CCDC59: variants seen among roughly 807,000 people sequenced by gnomAD.
CCDC59 encodes the protein coiled-coil domain containing 59, also known as thyroid transcription factor 1-associated protein 26.
A neutral mutation model predicts 30.5 loss-of-function variants in CCDC59; 27 were observed. The observed-to-expected ratio is 0.89, with a 90% CI of 0.65 to 1.22. The LOEUF is 1.22. Ranked by LOEUF, CCDC59 falls within the 50% of genes most tolerant of loss-of-function variation. CCDC59 has a pLI of 0.00. For missense variants in CCDC59, 362 were observed against 284.4 expected (o/e 1.27, Z -1.96); for synonymous variants, 125 against 100.9 (o/e 1.24, Z -1.43).
intron 2 of CCDC59, 106 bp downstream of exon 2, chr12:82,356,853 TA>T: frequency 1.1e-6 from 1 of 909,214 alleles, no homozygotes; most frequent in Non-Finnish European, 1.6e-6. Context: ...CCGTGACTTC[TA>T]AAATGTGTTA....
chr12:82,358,426 A>C (rs777574444), upstream of CCDC59: 4 of 1,608,424 alleles, frequency 2.5e-6, no homozygotes, highest in Non-Finnish European at 3.4e-6. Flanking sequence ...CGCCCACAAA[A>C]TACGTCACCA....
intron 2 of CCDC59, chr12:82,354,976 T>C (rs762335824): frequency 2.5e-5 from 4 of 160,988 alleles, no homozygotes; most frequent in Non-Finnish European, 4.0e-5. Flanking sequence ...CTAGATACCA[T>C]TTTGAACTGT....
chr12:82,353,317 AATT>A lies in CCDC59; in HGVS notation c.565-8_565-6del. On this transcript the variant is annotated splice_polypyrimidine_tract_variant and splice_region_variant and intron_variant, in intron 3 of 3. Coordinates refer to ENST00000256151, the MANE Select transcript of CCDC59 (RefSeq NM_014167.5). ...CTGTTTTCTCCTCTCGAATTCCTAA[AATT>A]ATTAACATATGTAACTTTCATTAGC... The A allele has an allele frequency of 1.3e-6, 2 of 1,590,516 alleles. No homozygotes were observed. Among genetic ancestry groups the A allele is most frequent in the Non-Finnish European group, 1.7e-6 (2 of 1,171,758 alleles).
rs113088801 is a variant in CCDC59 at position 82,353,392 on chromosome 12, C to T, written c.565-80G>A. 3.1e-4 allele frequency: 342 copies of T among 1,107,714 alleles called. No individual in the cohort carries two copies. In the African/African-American group the frequency reaches 5.1e-3, roughly 17 times the overall value. The allele number at this position is 1,107,714 out of a possible 1,614,324, so 68.6% of individuals were successfully genotyped here. ...AGAAATTGTCTTGAAATAGCTATTA[C>T]TAAGCAAACACTCTAAGGTTTGTCT... On this transcript the variant is annotated intron_variant, in intron 3 of 3. Transcript: ENST00000256151.
Position 82,354,486 on chromosome 12 carries a change from A to G in CCDC59, c.564+9T>C. ...AAACTATACTAAATATTTTCAAAGT[A>G]GAACTTACTTGTTTCTTAGCAGCAC... On this transcript the variant is annotated intron_variant, in intron 3 of 3. Coordinates refer to ENST00000256151, the MANE Select transcript of CCDC59 (RefSeq NM_014167.5). 6.3e-7 allele frequency: 1 copy of G among 1,575,010 alleles called. No individual in the cohort carries two copies. Among genetic ancestry groups the G allele is most frequent in the Non-Finnish European group, 8.6e-7 (1 of 1,159,654 alleles).
chr12:82,358,445 C>T, upstream of CCDC59: 1 of 1,605,504 alleles, frequency 6.2e-7, no homozygotes, highest in Non-Finnish European at 8.5e-7. Context: ...CAAGCCGAAG[C>T]AATCAATCGC....
In CCDC59 at chr12:82,358,328, C is replaced by T; in HGVS notation, c.49G>A (p.Ala17Thr). The part of the protein sequence containing the change: ...SAKWRPGGIE[A>T]RGEGVSTVGY... The stretch of plus-strand genomic sequence containing the variant: ...ACAGTGGAAACCCCTTCACCACGCG[C>T]CTCAATACCACCAGGCCGCCACTTC... The change falls in exon 1 of 4, where the codon GCG becomes ACG. Residue 17 changes from alanine to threonine, a missense_variant. By Grantham distance (58) the Ala-to-Thr change is moderately conservative. Transcript: ENST00000256151. 1.2e-6 allele frequency: 2 copies of T among 1,614,120 alleles called. No individual in the cohort carries two copies. The highest frequency in any genetic ancestry group is 1.7e-6 in the Non-Finnish European group (2 of 1,180,036).
Position 82,353,198 on chromosome 12 carries a change from T to C in CCDC59, c.679A>G (p.Asn227Asp). 2.5e-6 allele frequency: 4 copies of C among 1,610,492 alleles called. No individual in the cohort carries two copies. The highest frequency in any genetic ancestry group is 1.9e-4 in the Middle Eastern group (1 of 5,318). The stretch of plus-strand genomic sequence containing the variant: ...TGAAGAAGGTACTCCATTTGTACAT[T>C]CAAGTTTGGTTGGCCCTTTTTAGTC... ...KKTKKGQPNL[N>D]VQMEYLLQKI... The change falls in exon 4 of 4, where the codon AAT becomes GAT. Residue 227 changes from asparagine to aspartate, a missense_variant. Asn to Asp is a conservative substitution (Grantham distance 23). Transcript: ENST00000256151.
chr12:82,358,385 A>C lies in CCDC59; in HGVS notation c.-9T>G. ...CGCCTCACCGGCGCCATTGCAGCCG[A>C]CTAACTGCGTCATCAGAAGACCACG... On this transcript the variant is annotated 5_prime_UTR_variant, in exon 1 of 4. Coordinates refer to ENST00000256151, the MANE Select transcript of CCDC59 (RefSeq NM_014167.5). The C allele has an allele frequency of 1.2e-6, 2 of 1,612,804 alleles. No individual in the cohort carries two copies. The highest frequency in any genetic ancestry group is 1.7e-6 in the Non-Finnish European group (2 of 1,180,030).
chr12:82,358,524 C>A (rs201085808), upstream of CCDC59: 1 of 1,599,914 alleles, frequency 6.3e-7, no homozygotes, highest in South Asian at 1.1e-5. Flanking sequence ...TGGCGCCTCA[C>A]GGCCATGTTT....
chr12:82,358,116 A>G (rs1415077118), intron 1 of CCDC59, 107 bp downstream of exon 1: 12 of 1,299,196 alleles, frequency 9.2e-6, no homozygotes, highest in Middle Eastern at 4.9e-4. Flanking sequence ...CCTTGCCCCA[A>G]GTAGGACCGG....
intron 2 of CCDC59, 159 bp downstream of exon 2, chr12:82,356,801 A>G (rs1446765590): frequency 3.5e-6 from 2 of 570,934 alleles, no homozygotes; most frequent in African/African-American, 3.7e-5. Flanking sequence ...CAGTTATTGA[A>G]GCTAAAAATA....
chr12:82,354,072 T>C (rs1031050080), intron 3 of CCDC59, among the ~76,000 whole-genome samples: 8 of 152,196 alleles, frequency 5.3e-5, no homozygotes, highest in Non-Finnish European at 8.8e-5. Flanking sequence ...AAAAGTATTT[T>C]ATTCTAACAC....
rs747700830 is a variant in CCDC59 at position 82,357,059 on chromosome 12, G to T, written c.365C>A (p.Pro122Gln). The change falls in exon 2 of 4, where the codon CCG (proline) becomes CAG (glutamine). Residue 122 changes from proline (P) to glutamine (Q), a missense_variant. Pro to Gln is a moderately conservative substitution (Grantham distance 76). Coordinates refer to ENST00000256151, the MANE Select transcript of CCDC59 (RefSeq NM_014167.5). The stretch of plus-strand genomic sequence containing the variant: ...AATGCTACACTGTTCTTCAAGCAAC[G>T]GCTGGTGAACTTGTTCTGACAAAGG... ...DHPLSEQVHQPLLEEQCSIDE... is the reference protein window; with the variant it reads ...DHPLSEQVHQQLLEEQCSIDE... The T allele has an allele frequency of 6.2e-7, 1 of 1,614,132 alleles. No homozygotes were observed. The highest frequency in any genetic ancestry group is 1.1e-5 in the South Asian group (1 of 91,072).
intron 3 of CCDC59, among the ~76,000 whole-genome samples, chr12:82,353,826 CATT>C (rs1271772370): frequency 6.6e-6 from 1 of 152,026 alleles, no homozygotes; most frequent in African/African-American, 2.4e-5. Flanking sequence ...TTAACTGACA[CATT>C]ATACTTTTTA....
At chr12:82,358,463 G>C, upstream of CCDC59, 1 of 1,601,666 alleles carries the variant, frequency 6.2e-7, no homozygotes, top group Admixed American at 1.7e-5. Context: ...CGCTCAGAAG[G>C]AATCCGGCTC....
At chr12:82,357,996 G>A (rs1881177768) in intron 1 of CCDC59, among the ~76,000 whole-genome samples, 2 of 152,290 alleles carry the variant, frequency 1.3e-5, no homozygotes, top group South Asian at 2.1e-4. Context: ...AAGTTCTGAT[G>A]AAATACAGGG....
At position 82,352,999 on chromosome 12, in the gene CCDC59, T is replaced by C. The variant is rs983668951; in HGVS notation, c.*152A>G. On this transcript the variant is annotated 3_prime_UTR_variant, in exon 4 of 4. Coordinates refer to ENST00000256151, the MANE Select transcript of CCDC59 (RefSeq NM_014167.5). ...AAACATGTAGAACATATTTAGAAAA[T>C]TTTTTACCATAATAAAAATATGTGA... is the stretch of plus-strand genomic sequence containing the variant. 1.7e-6 allele frequency: 1 copy of C among 578,396 alleles called. No individual in the cohort carries two copies. Among genetic ancestry groups the C allele is most frequent in the Non-Finnish European group, 2.8e-6 (1 of 351,040 alleles). The allele number at this position is 578,396 out of a possible 1,614,324, so 35.8% of individuals were successfully genotyped here.
chr12:82,356,407 C>T (rs988883664), intron 2 of CCDC59, among the ~76,000 whole-genome samples: 2 of 152,172 alleles, frequency 1.3e-5, no homozygotes, highest in Non-Finnish European at 2.9e-5. Context: ...TACATTAACT[C>T]GCTGAGTCTT....
Sources: gnomAD v4.1 joint callset for allele counts (sites outside exome capture counted in the v4.1 genomes callset) on GRCh38, gnomAD v4.1.1 for gene constraint, MANE v1.5 for transcripts, NCBI Gene and HGNC (gene_info 2026-07-23, HGNC 2026-07-21) for gene names.